The following ZNF444 variants were observed in gnomAD, a reference collection of about 807,000 sequenced individuals.
The protein encoded by ZNF444 is endothelial zinc finger protein 2.
ZNF444 carries 8 observed loss-of-function variants against 14.4 expected under a neutral mutation model. The observed-to-expected ratio is 0.56, with a 90% CI of 0.33 to 1.00. The LOEUF is 1.00. ZNF444 is among the 50% of genes least tolerant of loss of function. The probability of loss-of-function intolerance (pLI) is 0.03; values close to 1 mark genes in which losing one functional copy is unlikely to be tolerated. For missense variants in ZNF444, 510 were observed against 504.8 expected (o/e 1.01, Z -0.10); for synonymous variants, 258 against 235.9 (o/e 1.09, Z -0.86).
chr19:56,136,686 C>T (rs1444256024), upstream of ZNF444, among the ~76,000 whole-genome samples: 1 of 152,186 alleles, frequency 6.6e-6, no homozygotes, highest in African/African-American at 2.4e-5. Context: ...CATAGGAGTG[C>T]GCCTTTGCAT....
At chr19:56,159,054 CCCATCATCCGT>C (rs1568565272) in intron 4 of ZNF444, among the ~76,000 whole-genome samples, 1 of 151,640 alleles carries the variant, frequency 6.6e-6, no homozygotes, top group East Asian at 1.9e-4. Context: ...CATTCATCCA[CCCATCATCCGT>C]CCATCCATCC....
intron 4 of ZNF444, 79 bp from the exon 5 acceptor site, chr19:56,159,545 C>A: frequency 7.8e-7 from 1 of 1,286,698 alleles, no homozygotes; most frequent in Non-Finnish European, 1.0e-6. Flanking sequence ...AGCGTTCCCT[C>A]CCTGCCTCCA....
At chr19:56,136,789 T>C (rs2123453292), upstream of ZNF444, among the ~76,000 whole-genome samples, 1 of 152,134 alleles carries the variant, frequency 6.6e-6, no homozygotes, top group Non-Finnish European at 1.5e-5. Flanking sequence ...CATTTCTTTT[T>C]TTCTTTTTTT....
At position 56,160,155 on chromosome 19, in the gene ZNF444, C is replaced by T. The variant is rs1173356878; in HGVS notation, c.938C>T (p.Pro313Leu). Reference protein sequence around the residue: ...AAASAQGAVAPGPDGGGPFPP... With the variant: ...AAASAQGAVALGPDGGGPFPP... ...GCCAGCGCGCAGGGGGCGGTAGCTC[C>T]GGGCCCGGATGGTGGAGGCCCCTTC... The change falls in exon 5 of 5, where the codon CCG becomes CTG. Residue 313 changes from proline (P) to leucine (L), a missense_variant. Pro to Leu is a moderately conservative substitution (Grantham distance 98). Transcript: ENST00000337080. The T allele has an allele frequency of 2.0e-6, 3 of 1,482,044 alleles. No individual in the cohort carries two copies. Among genetic ancestry groups the T allele is most frequent in the Non-Finnish European group, 2.7e-6 (3 of 1,125,318 alleles). The allele number at this position is 1,482,044 out of a possible 1,614,324, so 91.8% of individuals were successfully genotyped here.
At chr19:56,143,877 G>A (rs1017900150) in intron 1 of ZNF444, among the ~76,000 whole-genome samples, 20 of 152,278 alleles carry the variant, frequency 1.3e-4, no homozygotes, top group South Asian at 4.1e-4. Flanking sequence ...GCTCTCCAAG[G>A]GGGTAATAAT....
intron 3 of ZNF444, chr19:56,158,107 T>G (rs1172476040): frequency 1.8e-5 from 3 of 168,514 alleles, no homozygotes; most frequent in Non-Finnish European, 3.8e-5. Context: ...TATTAGTTAT[T>G]TCTTGCTTCC....
intron 3 of ZNF444, chr19:56,150,430 A>G (rs1411958028): frequency 2.9e-6 from 1 of 350,276 alleles, no homozygotes; most frequent in African/African-American, 2.1e-5. Context: ...CGAACCTCTC[A>G]CTGTGGCTCT....
At chr19:56,150,787 T>C (rs1283977464) in intron 3 of ZNF444, among the ~76,000 whole-genome samples, 3 of 146,956 alleles carry the variant, frequency 2.0e-5, no homozygotes, top group Non-Finnish European at 4.5e-5. Flanking sequence ...CTGTGGGAGC[T>C]GACGGTGACG....
Position 56,146,923 on chromosome 19 carries a change from G to C in ZNF444, c.12G>C (p.Ala4=). Reference sequence around the variant, plus strand: ...GTCCGGGAGGCCCCATGGAGGTGGCGGTGCCCGTGAAGCAGGAGGCCGAGG... The same window carrying C: ...GTCCGGGAGGCCCCATGGAGGTGGCCGTGCCCGTGAAGCAGGAGGCCGAGG... MEV[A]VPVKQEAEGL... Residue 4 remains alanine, a synonymous_variant, in exon 3 of 5, where the codon GCG becomes GCC. Transcript: ENST00000337080. 1 of 1,435,242 alleles carries C rather than the reference G, an allele frequency of 7.0e-7. No individual in the cohort carries two copies. Among genetic ancestry groups the C allele is most frequent in the East Asian group, 2.9e-5 (1 of 34,554 alleles). The allele number at this position is 1,435,242 out of a possible 1,614,324, so 88.9% of individuals were successfully genotyped here.
chr19:56,148,257 C>T (rs993863124), intron 3 of ZNF444, among the ~76,000 whole-genome samples: 8 of 152,252 alleles, frequency 5.3e-5, no homozygotes, highest in Non-Finnish European at 8.8e-5. Context: ...GTCCAGGCCA[C>T]GAGAGCAGCC....
chr19:56,152,324 T>G (rs1336939135), intron 3 of ZNF444, among the ~76,000 whole-genome samples: 1 of 143,330 alleles, frequency 7.0e-6, no homozygotes, highest in Non-Finnish European at 1.5e-5. Context: ...AGAGTGAGAC[T>G]CTGTCTCAAA....
Position 56,147,111 on chromosome 19 carries a change from A to G in ZNF444, c.200A>G (p.Gln67Arg), listed in dbSNP as rs1481393793. 1.3e-6 allele frequency: 2 copies of G among 1,582,578 alleles called. No individual in the cohort carries two copies. The highest frequency in any genetic ancestry group is 1.7e-6 in the Non-Finnish European group (2 of 1,168,234). ...EQMLELLVLE[Q>R]FLSALPADTQ... ...ATGTTGGAGCTGCTGGTGCTGGAAC[A>G]GTTCCTGAGCGCGCTGCCCGCCGAC... The change falls in exon 3 of 5, where the codon CAG becomes CGG. Residue 67 changes from glutamine to arginine, a missense_variant. By Grantham distance (43) the Gln-to-Arg change is conservative (BLOSUM62 1). Transcript: ENST00000337080. The surrounding 1 kb of genome is among the most constrained non-coding windows in gnomAD (Gnocchi z 5.9).
intron 1 of ZNF444, 71 bp downstream of exon 1, chr19:56,141,428 G>A (rs1226239389): frequency 8.0e-6 from 1 of 124,546 alleles, no homozygotes; most frequent in Non-Finnish European, 1.7e-5. Context: ...GAGGTTGGAT[G>A]GGAAGAGGGG....
In ZNF444 at chr19:56,145,706, G is replaced by A. The variant is rs754800296; in HGVS notation, c.-196-541G>A. Among the ~76,000 whole-genome samples the A allele has an allele frequency of 6.6e-5, 10 of 152,332 alleles. No individual in the cohort carries two copies. The highest frequency in any genetic ancestry group is 3.4e-3 in the Middle Eastern group (1 of 294). On this transcript the variant is annotated intron_variant, in intron 1 of 4. Transcript: ENST00000337080. The surrounding 1 kb of genome is among the most constrained non-coding windows in gnomAD (Gnocchi z 4.3). Reference sequence around the variant, plus strand: ...CTGGAAGAGGTGCTCACCAGAACCCGACAGTGCTGGCACCCAGATCGCAAA... The same window carrying A: ...CTGGAAGAGGTGCTCACCAGAACCCAACAGTGCTGGCACCCAGATCGCAAA...
At chr19:56,138,767 G>C (rs943213264), upstream of ZNF444, among the ~76,000 whole-genome samples, 4 of 148,054 alleles carry the variant, frequency 2.7e-5, no homozygotes, top group Non-Finnish European at 6.0e-5. Context: ...ATGGACAGTA[G>C]TGATGATTGC....
At chr19:56,138,721 T>C (rs1476760528), upstream of ZNF444, among the ~76,000 whole-genome samples, 1 of 150,220 alleles carries the variant, frequency 6.7e-6, no homozygotes, top group East Asian at 1.9e-4. Flanking sequence ...ATTTAATGGG[T>C]ACAATTTCAA....
At chr19:56,146,143 T>TG (rs1477148105) in intron 1 of ZNF444, 104 bp from the exon 2 acceptor site, 2 of 152,256 alleles carry the variant, frequency 1.3e-5, no homozygotes, top group Non-Finnish European at 2.9e-5. Flanking sequence ...TCCCAGGGTG[T>TG]GGGGTGCACG....
chr19:56,139,380 G>A (rs1286017583), upstream of ZNF444, among the ~76,000 whole-genome samples: 1 of 152,114 alleles, frequency 6.6e-6, no homozygotes, highest in East Asian at 1.9e-4. Flanking sequence ...TAGATTGCAT[G>A]TGGATGGTGA....
At chr19:56,155,119 G>A (rs924727340) in intron 3 of ZNF444, 1 of 151,916 alleles carries the variant, frequency 6.6e-6, no homozygotes, top group African/African-American at 2.4e-5. Context: ...GTGCCAAATT[G>A]GCTCAGTCAG....
Sources: allele counts gnomAD v4.1 joint callset (sites outside exome capture counted in the v4.1 genomes callset), GRCh38; gene constraint gnomAD v4.1.1; non-coding constraint Gnocchi (gnomAD v3.1); transcripts MANE v1.5; gene names NCBI Gene and HGNC (gene_info 2026-07-23, HGNC 2026-07-21).